MPDZ: variants seen among roughly 807,000 people sequenced by gnomAD.
MPDZ encodes the protein multiple PDZ domain protein.
In MPDZ, 234 loss-of-function variants were observed where a neutral mutation model predicts 239.1. The ratio of observed to expected loss-of-function variants is 0.98; its 90% CI spans 0.88 to 1.09. The LOEUF is 1.09. MPDZ is among the 50% of genes least tolerant of loss of function. MPDZ has a pLI of 0.00. For synonymous variants in MPDZ, 1,048 were observed against 881.3 expected (o/e 1.19, Z -3.35); for missense variants, 3,175 against 2,510.0 (o/e 1.26, Z -5.66).
chr9:13,236,381 G>A (rs1441614337), intron 3 of MPDZ, among the ~76,000 whole-genome samples: 3 of 146,130 alleles, frequency 2.1e-5, no homozygotes, highest in African/African-American at 7.7e-5. Flanking sequence ...AGGTTCAAAC[G>A]GTTCTCCTGC....
chr9:13,222,150 C>A lies in MPDZ; in HGVS notation c.747+83G>T, dbSNP rs1587911342. Reference sequence around the variant, plus strand: ...ACAAAAACTCAAGAAGTGCAAAGACCCTACACAAATTAGAAACTTGGAGAT... The same window carrying A: ...ACAAAAACTCAAGAAGTGCAAAGACACTACACAAATTAGAAACTTGGAGAT... On this transcript the variant is annotated intron_variant, in intron 6 of 46. Coordinates refer to ENST00000319217, the MANE Select transcript of MPDZ (RefSeq NM_001378778.1). 16 of 1,116,288 alleles carry A rather than the reference C, an allele frequency of 1.4e-5. No homozygotes were observed. The East Asian group carries it at 3.0e-4, about 21-fold the overall frequency. The allele number at this position is 1,116,288 out of a possible 1,614,324, so 69.1% of individuals were successfully genotyped here.
At chr9:13,171,080 A>G (rs1045296398) in intron 21 of MPDZ, among the ~76,000 whole-genome samples, 1 of 152,148 alleles carries the variant, frequency 6.6e-6, no homozygotes, top group Non-Finnish European at 1.5e-5. Context: ...CCTCACACAG[A>G]GCCTCAGTTT....
chr9:13,205,087 C>T lies in MPDZ; in HGVS notation c.1495G>A (p.Asp499Asn). The part of the protein sequence containing the change: ...IIKENYEKDE[D>N]FLSSTRNTNI... Reference sequence around the variant, plus strand: ...GTGTTTCTCGTCGAAGATAAAAAATCTTCATCTTTTTCATAATTTTCTTAA... The same window carrying T: ...GTGTTTCTCGTCGAAGATAAAAAATTTTCATCTTTTTCATAATTTTCTTAA... The change falls in exon 12 of 47, where the codon GAT (aspartate) becomes AAT (asparagine). Residue 499 changes from aspartate (D) to asparagine (N), a missense_variant. Coordinates refer to ENST00000319217, the MANE Select transcript of MPDZ (RefSeq NM_001378778.1). The T allele has an allele frequency of 6.9e-7, 1 of 1,445,280 alleles. No individual in the cohort carries two copies. The allele number at this position is 1,445,280 out of a possible 1,614,324, so 89.5% of individuals were successfully genotyped here.
intron 3 of MPDZ, among the ~76,000 whole-genome samples, chr9:13,236,332 C>A (rs1271308348): frequency 1.5e-5 from 2 of 133,758 alleles, no homozygotes; most frequent in Non-Finnish European, 1.6e-5. Flanking sequence ...GGCTGGAGTG[C>A]GATGGCACAA....
At chr9:13,250,906 G>A (rs532419627) in intron 1 of MPDZ, among the ~76,000 whole-genome samples, 14 of 151,956 alleles carry the variant, frequency 9.2e-5, no homozygotes, top group African/African-American at 2.7e-4. Context: ...AGGTGAGTGC[G>A]TCACTTGAGG....
intron 21 of MPDZ, among the ~76,000 whole-genome samples, chr9:13,171,016 T>G (rs2133985945): frequency 6.6e-6 from 1 of 152,220 alleles, no homozygotes; most frequent in Admixed American, 6.6e-5. Flanking sequence ...AGAGAACTGG[T>G]TACAAACCTG....
At chr9:13,204,970 T>C in intron 12 of MPDZ, 66 bp downstream of exon 12, 1 of 1,110,390 alleles carries the variant, frequency 9.0e-7, no homozygotes, top group Non-Finnish European at 1.2e-6. Context: ...TTAATCACAT[T>C]TGTAAAAATC....
intron 24 of MPDZ, 38 bp downstream of exon 24, chr9:13,157,980 T>TATCC (rs1563924864): frequency 6.5e-7 from 1 of 1,538,744 alleles, no homozygotes; most frequent in Non-Finnish European, 9.0e-7. Flanking sequence ...AAACACTATA[T>TATCC]ATCCATTGGG....
At chr9:13,222,854 C>T (rs933097684) in intron 5 of MPDZ, among the ~76,000 whole-genome samples, 4 of 148,222 alleles carry the variant, frequency 2.7e-5, no homozygotes, top group Non-Finnish European at 5.9e-5. Flanking sequence ...GGGATCACAT[C>T]CATAGATTAG....
At position 13,234,510 on chromosome 9, in the gene MPDZ, C is replaced by A. The variant is rs1014311867; in HGVS notation, c.184-9927G>T. Among the ~76,000 whole-genome samples the A allele has an allele frequency of 2.0e-5, 3 of 152,102 alleles. No homozygotes were observed. The East Asian group carries it at 5.8e-4, about 29-fold the overall frequency. On this transcript the variant is annotated intron_variant, in intron 3 of 46. Transcript: ENST00000319217. ...GATTATCAAAATCTGTTTTATGATTCTGTTATTTTGACTTATTCTCAATAC... is the reference window on the plus strand; with the variant it reads ...GATTATCAAAATCTGTTTTATGATTATGTTATTTTGACTTATTCTCAATAC...
chr9:13,175,676 G>GA, intron 21 of MPDZ, 76 bp downstream of exon 21: 1 of 1,454,502 alleles, frequency 6.9e-7, no homozygotes, highest in Non-Finnish European at 9.3e-7. Context: ...ATAAAAAATT[G>GA]AAATTTACCA....
chr9:13,233,477 G>C (rs576689694), intron 3 of MPDZ, among the ~76,000 whole-genome samples: 29 of 152,174 alleles, frequency 1.9e-4, no homozygotes, highest in Admixed American at 3.3e-4. Context: ...CCGAGATAAA[G>C]TCAAAATAGT....
Position 13,125,211 on chromosome 9 carries a change from C to G in MPDZ, c.4807+5G>C. 6.3e-7 allele frequency: 1 copy of G among 1,585,836 alleles called. No individual in the cohort carries two copies. Among genetic ancestry groups the G allele is most frequent in the Non-Finnish European group, 8.6e-7 (1 of 1,163,600 alleles). ...GCAGGACTCTCATGAGTCCAGAGGCCTTACTTCGGATGGACTCCGGTTCTG... is the reference window on the plus strand; with the variant it reads ...GCAGGACTCTCATGAGTCCAGAGGCGTTACTTCGGATGGACTCCGGTTCTG... On this transcript the variant is annotated splice_donor_5th_base_variant and intron_variant, in intron 35 of 46. Transcript: ENST00000319217.
intron 24 of MPDZ, among the ~76,000 whole-genome samples, chr9:13,155,851 T>C (rs1306592178): frequency 6.6e-6 from 1 of 152,176 alleles, no homozygotes; most frequent in Non-Finnish European, 1.5e-5. Flanking sequence ...TTAGTGAATC[T>C]AGGAGAACCA....
intron 35 of MPDZ, among the ~76,000 whole-genome samples, chr9:13,124,680 C>G (rs147516390): frequency 6.6e-6 from 1 of 152,070 alleles, no homozygotes; most frequent in Non-Finnish European, 1.5e-5. Context: ...CACTATTACA[C>G]CTAAAGCATA....
At chr9:13,211,682 T>C (rs958052356) in intron 10 of MPDZ, among the ~76,000 whole-genome samples, 4 of 152,056 alleles carry the variant, frequency 2.6e-5, no homozygotes, top group Admixed American at 1.3e-4. Flanking sequence ...GTAAACAACA[T>C]AACGATCCAT....
Position 13,217,215 on chromosome 9 carries a change from A to T in MPDZ, c.1166T>A (p.Ile389Asn), listed in dbSNP as rs747896493. Residue 389 changes from isoleucine to asparagine, a missense_variant, in exon 9 of 47, where the codon ATT becomes AAT. Transcript: ENST00000319217. ...ELTKNVQGLG[I>N]TIAGYIGDKK... Reference sequence around the variant, plus strand: ...ATCTCCAATGTAGCCAGCAATGGTAATTCCTAATCCTTGGACATTTTTAGT... The same window carrying T: ...ATCTCCAATGTAGCCAGCAATGGTATTTCCTAATCCTTGGACATTTTTAGT... 1.2e-6 allele frequency: 2 copies of T among 1,601,304 alleles called. No homozygotes were observed. The highest frequency in any genetic ancestry group is 1.7e-6 in the Non-Finnish European group (2 of 1,174,488).
intron 12 of MPDZ, 104 bp downstream of exon 12, chr9:13,204,932 T>A: frequency 2.8e-6 from 2 of 702,586 alleles, no homozygotes; most frequent in Admixed American, 8.4e-5. Context: ...AAATTTTTTT[T>A]AGTAACTTAC....
Position 13,143,499 on chromosome 9 carries a change from T to A in MPDZ, c.3807A>T (p.Pro1269=), listed in dbSNP as rs577808632. 3.1e-6 allele frequency: 5 copies of A among 1,612,816 alleles called. No individual in the cohort carries two copies. The highest frequency in any genetic ancestry group is 4.2e-6 in the Non-Finnish European group (5 of 1,179,080). The change falls in exon 27 of 47, where the codon CCA becomes CCT. Residue 1269 remains proline, a synonymous_variant. Coordinates refer to ENST00000319217, the MANE Select transcript of MPDZ (RefSeq NM_001378778.1). ...CGTTGATTTGTAGAGAGTCAGCAAA[T>A]GGGTTAGTGCTGCTGAAGTTGTACT... ...YPKYNFSSTN[P]FADSLQINAD...
Sources: gnomAD v4.1 joint callset for allele counts (sites outside exome capture counted in the v4.1 genomes callset) on GRCh38, gnomAD v4.1.1 for gene constraint, MANE v1.5 for transcripts, NCBI Gene and HGNC (gene_info 2026-07-23, HGNC 2026-07-21) for gene names.